The following LAMP2 variants were observed in gnomAD, a reference collection of about 807,000 sequenced individuals.
LAMP2 encodes the protein lysosome-associated membrane glycoprotein 2.
A neutral mutation model predicts 25.6 loss-of-function variants in LAMP2; 4 were observed. The ratio of observed to expected loss-of-function variants is 0.16; its 90% confidence interval spans 0.08 to 0.36. The LOEUF (loss-of-function observed/expected upper bound fraction) is 0.36. Among genes scored for constraint, LAMP2 ranks in the 10% least tolerant of loss-of-function variants. LAMP2 has a pLI of 1.00. For synonymous variants in LAMP2, 108 were observed against 112.7 expected (o/e 0.96, Z 0.27); for missense variants, 272 against 301.4 (o/e 0.90, Z 0.72).
intron 8 of LAMP2, among the ~76,000 whole-genome samples, chrX:120,435,061 C>T (rs2058537416): frequency 9.0e-6 from 1 of 111,033 alleles, no homozygotes; most frequent in Non-Finnish European, 1.9e-5. Context: ...ACCTGGGAGG[C>T]GGAGGTTGCA....
chrX:120,441,407 G>A (rs779564500), intron 8 of LAMP2, among the ~76,000 whole-genome samples: 17 of 112,025 alleles, frequency 1.5e-4, no homozygotes, highest in African/African-American at 5.5e-4. Flanking sequence ...GTGAGAAGAC[G>A]GCCTCAGGAA....
rs1378603963 is a variant in LAMP2, at chrX:120,429,104, ATATATATG to A, written c.*2211_*2218del. ...TATATGTGTGTGTATATATATGTGT[ATATATATG>A]TATATGTGTATATATATGTGTGTGT... On this transcript the variant is annotated 3_prime_UTR_variant, in exon 9 of 9. Coordinates refer to ENST00000200639, the MANE Select transcript of LAMP2 (RefSeq NM_002294.3). 3.0e-5 allele frequency: 17 copies of A among 563,287 alleles called. No individual in the cohort carries two copies. The highest frequency in any genetic ancestry group is 3.0e-5 in the Non-Finnish European group (14 of 469,868). The allele number at this position is 563,287 out of a possible 1,213,427, so 46.4% of individuals were successfully genotyped here.
chrX:120,437,027 G>A (rs2058547710), intron 8 of LAMP2: 1 of 736,960 alleles, frequency 1.4e-6, no homozygotes, highest in East Asian at 1.5e-4. Flanking sequence ...CATCTTACAA[G>A]GTTAACAATT....
chrX:120,440,579 G>A (rs187946585), intron 8 of LAMP2, among the ~76,000 whole-genome samples: 61 of 111,998 alleles, frequency 5.4e-4, no homozygotes, highest in African/African-American at 6.8e-4. Flanking sequence ...AAGAGAAAGA[G>A]CACAGCTCAT....
intron 8 of LAMP2, chrX:120,438,733 A>ACACACACACACACAC (rs1569367266): frequency 1.7e-6 from 1 of 582,948 alleles, no homozygotes; most frequent in African/African-American, 2.9e-5. Flanking sequence ...CACACACACA[A>ACACACACACACACAC]AAAGAGCAAA....
intron 8 of LAMP2, chrX:120,439,035 A>G: frequency 2.6e-6 from 3 of 1,157,567 alleles, no homozygotes; most frequent in Non-Finnish European, 3.5e-6. Context: ...GAAATCCCCC[A>G]TACCACCCAT....
At chrX:120,467,396 C>T (rs1921586925) in intron 1 of LAMP2, among the ~76,000 whole-genome samples, 1 of 111,512 alleles carries the variant, frequency 9.0e-6, no homozygotes, top group Non-Finnish European at 1.9e-5. Flanking sequence ...AAGCAATCCC[C>T]CAGTTGTTAC....
At chrX:120,464,722 A>G (rs1407886965) in intron 1 of LAMP2, among the ~76,000 whole-genome samples, 1 of 111,187 alleles carries the variant, frequency 9.0e-6, no homozygotes, top group African/African-American at 3.3e-5. Flanking sequence ...CTCCTTTCTC[A>G]TTACCTGTGT....
rs950013593 is a variant in LAMP2, at chrX:120,449,077, A to T, written c.449T>A (p.Leu150His). The change falls in exon 4 of 9, where the codon CTT becomes CAT. Residue 150 changes from leucine to histidine, a missense_variant. Transcript: ENST00000200639. ...LLAIRIPLND[L>H]FRCNSLSTLE... The stretch of plus-strand genomic sequence containing the variant: ...AGTTGATAAACTATTGCATCTAAAA[A>T]GGTCATTCAATGGAATTCTGATGGC... The T allele has an allele frequency of 2.5e-6, 3 of 1,204,442 alleles. No individual in the cohort carries two copies. The highest frequency in any genetic ancestry group is 1.8e-5 in the South Asian group (1 of 56,771).
intron 6 of LAMP2, among the ~76,000 whole-genome samples, chrX:120,443,780 G>C (rs2058584150): frequency 9.0e-6 from 1 of 111,657 alleles, no homozygotes; most frequent in Non-Finnish European, 1.9e-5. Context: ...AGGAGATCGA[G>C]ACCATCCTGG....
rs1139708 is a variant in LAMP2, at chrX:120,441,746, T to C, written c.1077A>G (p.Gln359=). The C allele has an allele frequency of 5.0e-6, 6 of 1,205,694 alleles. No homozygotes were observed. The South Asian group carries it at 1.1e-4, about 21-fold the overall frequency. Residue 359 remains glutamine (Q), a synonymous_variant, in exon 8 of 9, where the codon CAA becomes CAG. Transcript: ENST00000200639. ...GATTCTTACCTGTAGAATACTTTCC[T>C]TGTGTCACATTGAAAGGCTGAACCC... ...DLRVQPFNVT[Q]GKYSTAQDCS... is the part of the protein sequence containing the mutation.
intron 3 of LAMP2, among the ~76,000 whole-genome samples, chrX:120,454,924 C>T (rs1464407808): frequency 2.4e-5 from 2 of 82,064 alleles, no homozygotes; most frequent in Non-Finnish European, 4.7e-5. Flanking sequence ...TACACACACA[C>T]ACACACTAGG....
Position 120,428,423 on chromosome X carries a change from T to C in LAMP2, c.*2900A>G. 1 of 1,130,618 alleles carries C rather than the reference T, an allele frequency of 8.8e-7. No homozygotes were observed. Among genetic ancestry groups the C allele is most frequent in the Non-Finnish European group, 1.2e-6 (1 of 859,995 alleles). 93.2% of individuals were successfully genotyped at this position (1,130,618 alleles called of 1,213,427 possible). The stretch of plus-strand genomic sequence containing the variant: ...ATCTATTGCACAGCATGTCCTGGCT[T>C]TTAGCCAATGGAAACGTAACTTCTA... On this transcript the variant is annotated 3_prime_UTR_variant, in exon 9 of 9. Transcript: ENST00000200639.
At position 120,469,140 on chromosome X, in the gene LAMP2, C is replaced by A; in HGVS notation, c.30G>T (p.Pro10=). 1 of 1,212,221 alleles carries A rather than the reference C, an allele frequency of 8.2e-7. No homozygotes were observed. Among genetic ancestry groups the A allele is most frequent in the Non-Finnish European group, 1.1e-6 (1 of 895,590 alleles). Residue 10 remains proline (P), a synonymous_variant, in exon 1 of 9, where the codon CCG becomes CCT. Transcript: ENST00000200639. The stretch of plus-strand genomic sequence containing the variant: ...GGCAGACCAGAACGAGCCCTGAGCC[C>A]GGAACCGGGAAGAGGCGGAAGCACA... MVCFRLFPV[P]GSGLVLVCLV...
chrX:120,456,491 T>C (rs1420308742), intron 2 of LAMP2, among the ~76,000 whole-genome samples, 160 bp downstream of exon 2: 1 of 111,652 alleles, frequency 9.0e-6, no homozygotes, highest in Non-Finnish European at 1.9e-5. Flanking sequence ...ATTCTAACAC[T>C]AAACAGAATA....
Position 120,431,436 on chromosome X carries a change from TGTC to T in LAMP2, c.1117_1119del (p.Asp373del), listed in dbSNP as rs730880494. On this transcript the variant is annotated inframe_deletion, in exon 9 of 9. Coordinates refer to ENST00000200639, the MANE Select transcript of LAMP2 (RefSeq NM_002294.3). Reference sequence around the variant, plus strand: ...CCCACCGCTATGGGCACAAGGAAGTTGTCGTCATCTGCACTGCAGTCTTGAGCT... The same window carrying T: ...CCCACCGCTATGGGCACAAGGAAGTTGTCATCTGCACTGCAGTCTTGAGCT... 25 of 1,209,023 alleles carry T rather than the reference TGTC, an allele frequency of 2.1e-5. No individual in the cohort carries two copies. The Middle Eastern group carries it at 6.9e-4, about 33-fold the overall frequency.
At chrX:120,460,338 A>G (rs1282725898) in intron 1 of LAMP2, among the ~76,000 whole-genome samples, 1 of 110,533 alleles carries the variant, frequency 9.0e-6, no homozygotes, top group Non-Finnish European at 1.9e-5. Context: ...TCAGGGTGGT[A>G]GAGGTGAAAT....
intron 3 of LAMP2, 111 bp downstream of exon 3, chrX:120,455,246 G>A: frequency 1.6e-6 from 1 of 644,178 alleles, no homozygotes; most frequent in South Asian, 2.4e-5. Flanking sequence ...AAGACATGAA[G>A]TTTCCATGCT....
At chrX:120,437,763 C>G (rs752769768) in intron 8 of LAMP2, 21 of 751,660 alleles carry the variant, frequency 2.8e-5, no homozygotes, top group Non-Finnish European at 3.3e-5. Context: ...TTGTAGCAAT[C>G]AATGCAAGCT....
Sources: gnomAD v4.1 joint callset for allele counts (sites outside exome capture counted in the v4.1 genomes callset) on GRCh38, gnomAD v4.1.1 for gene constraint, MANE v1.5 for transcripts, NCBI Gene and HGNC (gene_info 2026-07-23, HGNC 2026-07-21) for gene names.